The following FOXO3 variants were observed in gnomAD, a reference collection of about 807,000 sequenced individuals.
FOXO3 encodes forkhead box O3, also known as forkhead box protein O3.
Under a neutral mutation model 41.9 loss-of-function variants are expected in FOXO3, and 4 were observed. The observed-to-expected ratio is 0.10, with a 90% CI of 0.05 to 0.22. FOXO3 has a LOEUF of 0.22. FOXO3 is among the 10% of genes least tolerant of loss of function. The pLI is 1.00. For missense variants in FOXO3, 534 were observed against 906.8 expected, an observed-to-expected ratio of 0.59 and a Z score of 5.28; for synonymous variants, 318 against 389.3, an observed-to-expected ratio of 0.82 and a Z score of 2.16.
intron 1 of FOXO3, among the ~76,000 whole-genome samples, chr6:108,612,097 G>C (rs375325516): frequency 1.5e-4 from 23 of 151,970 alleles, no homozygotes; most frequent in African/African-American, 4.8e-4. Flanking sequence ...AAAATCATTT[G>C]TACTGTTCTA....
chr6:108,657,274 G>T (rs1234836599), intron 1 of FOXO3, among the ~76,000 whole-genome samples: 1 of 152,192 alleles, frequency 6.6e-6, no homozygotes, highest in Non-Finnish European at 1.5e-5. Context: ...TGGTACATTT[G>T]TCCCTGAAGC....
chr6:108,606,855 A>C (rs1777217217), intron 1 of FOXO3, among the ~76,000 whole-genome samples: 1 of 152,066 alleles, frequency 6.6e-6, no homozygotes, highest in South Asian at 2.1e-4. Flanking sequence ...GCCTGATGTG[A>C]CAGGAGGGGG....
intron 1 of FOXO3, among the ~76,000 whole-genome samples, chr6:108,633,607 A>G (rs1778034816): frequency 6.6e-6 from 1 of 152,194 alleles, no homozygotes; most frequent in African/African-American, 2.4e-5. Context: ...TTAGGTCATT[A>G]TAATTCTGCC....
At chr6:108,612,318 T>C (rs1298298058) in intron 1 of FOXO3, among the ~76,000 whole-genome samples, 1 of 152,208 alleles carries the variant, frequency 6.6e-6, no homozygotes, top group Non-Finnish European at 1.5e-5. Flanking sequence ...GCTAAACTCA[T>C]GTATTAGTTG....
Position 108,561,260 on chromosome 6 carries a change from C to G in FOXO3, c.52C>G (p.Leu18Val), listed in dbSNP as rs1475183338. The change falls in exon 1 of 3, where the codon CTG (leucine) becomes GTG (valine). Residue 18 changes from leucine to valine, a missense_variant. Around this residue, in one of 8 missense-constraint regions of FOXO3, gnomAD observed 19 missense variants for 26.2 expected, o/e 0.73. Transcript: ENST00000406360. ...CCCGCTCTCTCCGCTCGAAGTGGAG[C>G]TGGACCCGGAGTTCGAGCCCCAGAG... is the stretch of plus-strand genomic sequence containing the variant. ...PAPLSPLEVE[L>V]DPEFEPQSRP... 1.3e-6 allele frequency: 2 copies of G among 1,565,312 alleles called. No homozygotes were observed. The highest frequency in any genetic ancestry group is 2.7e-5 in the African/African-American group (2 of 73,416).
At chr6:108,629,270 A>G (rs984341222) in intron 1 of FOXO3, among the ~76,000 whole-genome samples, 2 of 152,152 alleles carry the variant, frequency 1.3e-5, no homozygotes, top group African/African-American at 2.4e-5. Flanking sequence ...TCTACATTAT[A>G]GAGGACCCAT....
At chr6:108,573,944 G>C (rs1776186834) in intron 1 of FOXO3, among the ~76,000 whole-genome samples, 2 of 151,762 alleles carry the variant, frequency 1.3e-5, no homozygotes, top group African/African-American at 4.8e-5. Flanking sequence ...ATGAGGTCAG[G>C]AGTTCAAGAC....
intron 1 of FOXO3, among the ~76,000 whole-genome samples, chr6:108,584,715 A>G (rs1309590404): frequency 6.6e-6 from 1 of 152,182 alleles, no homozygotes; most frequent in Non-Finnish European, 1.5e-5. Context: ...TGTAGAGCCA[A>G]TTTTGGTTGA....
chr6:108,587,052 C>T (rs1776601395), intron 1 of FOXO3, among the ~76,000 whole-genome samples: 1 of 151,248 alleles, frequency 6.6e-6, no homozygotes, highest in African/African-American at 2.4e-5. Context: ...CTCAAGCAAT[C>T]CTCTCACCTT....
chr6:108,618,799 G>A (rs535349848), intron 1 of FOXO3, among the ~76,000 whole-genome samples: 27 of 152,222 alleles, frequency 1.8e-4, no homozygotes, highest in Non-Finnish European at 3.7e-4. Flanking sequence ...TCTAGGAACC[G>A]ACCCTTTTGT....
chr6:108,645,119 T>C (rs1312734937), intron 1 of FOXO3, among the ~76,000 whole-genome samples: 1 of 152,200 alleles, frequency 6.6e-6, no homozygotes, highest in East Asian at 1.9e-4. Context: ...ACTTTTATTT[T>C]TTAGATTTGA....
chr6:108,664,399 G>C lies in FOXO3; in HGVS notation c.1566G>C (p.Gln522His). 6.2e-7 allele frequency: 1 copy of C among 1,613,818 alleles called. No homozygotes were observed. Among genetic ancestry groups the C allele is most frequent in the Non-Finnish European group, 8.5e-7 (1 of 1,179,844 alleles). The change falls in exon 2 of 3, where the codon CAG becomes CAC. Residue 522 changes from glutamine to histidine, a missense_variant. By Grantham distance (24) the Gln-to-His change is conservative. Coordinates refer to ENST00000406360, the MANE Select transcript of FOXO3 (RefSeq NM_001455.4). Reference protein sequence around the residue: ...RNDPMMSFAAQPNQGSLVNQN... With the variant: ...RNDPMMSFAAHPNQGSLVNQN... ...ATCCGATGATGTCCTTTGCTGCCCAGCCTAACCAGGGAAGTTTGGTCAATC... is the reference window on the plus strand; with the variant it reads ...ATCCGATGATGTCCTTTGCTGCCCACCCTAACCAGGGAAGTTTGGTCAATC...
chr6:108,612,680 CA>C (rs1191517507), intron 1 of FOXO3, among the ~76,000 whole-genome samples: 6 of 143,210 alleles, frequency 4.2e-5, no homozygotes, highest in Non-Finnish European at 3.0e-5. Flanking sequence ...AACTCTGTCT[CA>C]AAAAAAAAAT....
rs1275557543 is a variant in FOXO3 at position 108,664,006 on chromosome 6, G to A, written c.1173G>A (p.Leu391=). The change falls in exon 2 of 3, where the codon CTG becomes CTA. Residue 391 remains leucine (L), a synonymous_variant. Coordinates refer to ENST00000406360, the MANE Select transcript of FOXO3 (RefSeq NM_001455.4). ...GLTENLMDDL[L]DNITLPPSQP... ...CTGAAAACCTCATGGACGACCTGCT[G>A]GATAACATCACGCTCCCGCCATCCC... 5.0e-6 allele frequency: 8 copies of A among 1,614,148 alleles called. No individual in the cohort carries two copies. The highest frequency in any genetic ancestry group is 6.8e-6 in the Non-Finnish European group (8 of 1,180,022).
intron 1 of FOXO3, among the ~76,000 whole-genome samples, chr6:108,631,922 G>A (rs1438437658): frequency 2.0e-5 from 3 of 151,904 alleles, no homozygotes; most frequent in South Asian, 2.1e-4. Flanking sequence ...CTTTTTCCAT[G>A]CCAATGACTT....
At chr6:108,677,565 A>T (rs1342878976) in intron 2 of FOXO3, among the ~76,000 whole-genome samples, 1 of 152,168 alleles carries the variant, frequency 6.6e-6, no homozygotes, top group Non-Finnish European at 1.5e-5. Context: ...CTGGAGAGAG[A>T]TCTGAATTAG....
intron 1 of FOXO3, among the ~76,000 whole-genome samples, chr6:108,644,250 G>T (rs1372692282): frequency 6.6e-6 from 1 of 152,188 alleles, no homozygotes; most frequent in African/African-American, 2.4e-5. Flanking sequence ...GTAAAATGGG[G>T]ACCATATTGT....
chr6:108,597,882 G>A (rs988553079), intron 1 of FOXO3, among the ~76,000 whole-genome samples: 2 of 152,122 alleles, frequency 1.3e-5, no homozygotes, highest in Non-Finnish European at 2.9e-5. Flanking sequence ...GCCACCTATT[G>A]TAGTACTAAA....
chr6:108,631,387 C>A (rs1399578085), intron 1 of FOXO3, among the ~76,000 whole-genome samples: 4 of 152,064 alleles, frequency 2.6e-5, no homozygotes, highest in African/African-American at 9.7e-5. Flanking sequence ...CTGTTTAGGG[C>A]CCTGACTTAT....
Sources: gnomAD v4.1 joint callset for allele counts (sites outside exome capture counted in the v4.1 genomes callset) on GRCh38, gnomAD v4.1.1 for gene constraint, gnomAD v4.1.1 regional missense constraint, MANE v1.5 for transcripts, NCBI Gene and HGNC (gene_info 2026-07-23, HGNC 2026-07-21) for gene names.